ZPBP: variants seen among roughly 807,000 people sequenced by gnomAD.
ZPBP encodes zona pellucida binding protein.
A neutral mutation model predicts 44.8 loss-of-function variants in ZPBP; 26 were observed. The ratio of observed to expected loss-of-function variants is 0.58; its 90% CI spans 0.43 to 0.81. The LOEUF (loss-of-function observed/expected upper bound fraction) is 0.81, where lower values mean the gene tolerates loss of function less well. ZPBP is among the 30% of genes least tolerant of loss of function. The pLI is 0.00. For synonymous variants in ZPBP, 174 were observed against 153.2 expected, an observed-to-expected ratio of 1.14 and a Z score of -1.00; for missense variants, 409 against 434.0, an observed-to-expected ratio of 0.94 and a Z score of 0.51.
intron 7 of ZPBP, among the ~76,000 whole-genome samples, chr7:49,945,799 T>C (rs1016391543): frequency 1.3e-5 from 2 of 152,126 alleles, no homozygotes; most frequent in Admixed American, 6.6e-5. Flanking sequence ...TCAGCTCTCT[T>C]TGTCTCTTTA....
intron 7 of ZPBP, among the ~76,000 whole-genome samples, chr7:49,940,536 A>C (rs1422583760): frequency 1.3e-5 from 2 of 151,990 alleles, no homozygotes; most frequent in Non-Finnish European, 2.9e-5. Flanking sequence ...TGAACTAGGA[A>C]GCTCCAGGCC....
chr7:49,897,500 T>A (rs1792448579), intron 2 of ZPBP, among the ~76,000 whole-genome samples: 1 of 152,336 alleles, frequency 6.6e-6, no homozygotes, highest in Admixed American at 6.5e-5. Context: ...CAAACACTGA[T>A]CAATAGAGTT....
chr7:49,859,790 GCACACACACA>G (rs57768700), intron 2 of ZPBP, among the ~76,000 whole-genome samples: 4 of 12,024 alleles, frequency 3.3e-4, no homozygotes, highest in Non-Finnish European at 5.1e-4. Context: ...GCGCGTGCGT[GCACACACACA>G]CACACACACA....
intron 6 of ZPBP, among the ~76,000 whole-genome samples, chr7:49,984,851 C>A (rs952050147): frequency 6.6e-6 from 1 of 152,144 alleles, no homozygotes; most frequent in African/African-American, 2.4e-5. Context: ...GCAAATACAG[C>A]AGGTCCTCAA....
chr7:49,860,786 A>T (rs1335456326), intron 2 of ZPBP, among the ~76,000 whole-genome samples: 2 of 152,220 alleles, frequency 1.3e-5, no homozygotes, highest in African/African-American at 4.8e-5. Context: ...CCTTAATCTA[A>T]TAGGGTTGGT....
chr7:49,954,433 C>T (rs1043382926), intron 7 of ZPBP, among the ~76,000 whole-genome samples: 5 of 151,986 alleles, frequency 3.3e-5, no homozygotes, highest in African/African-American at 4.8e-5. Context: ...CAAAAGAAAG[C>T]GCACGTAACT....
At chr7:49,982,178 TAATTTA>T (rs1562821140) in intron 7 of ZPBP, among the ~76,000 whole-genome samples, 31 of 91,668 alleles carry the variant, frequency 3.4e-4, no homozygotes, top group African/African-American at 1.4e-3. Context: ...TATATATATA[TAATTTA>T]TTATTATATA....
intron 7 of ZPBP, among the ~76,000 whole-genome samples, chr7:49,967,391 A>G (rs1376259119): frequency 6.6e-6 from 1 of 152,166 alleles, no homozygotes; most frequent in African/African-American, 2.4e-5. Flanking sequence ...ATGGAGAAGA[A>G]CTTTGCACCA....
At chr7:49,911,617 C>T (rs887376469) in intron 1 of ZPBP, among the ~76,000 whole-genome samples, 1 of 151,990 alleles carries the variant, frequency 6.6e-6, no homozygotes. Flanking sequence ...GTACCATTGG[C>T]CGGGTGCAGT....
In ZPBP at chr7:49,879,439, A is replaced by G. The variant is rs564368379; in HGVS notation, n.509+21679T>C. On this transcript the variant is annotated intron_variant and non_coding_transcript_variant, in intron 2 of 2. Transcript: ENST00000465922. ...TTATCCGGAGAGGGTTTATATGTGC[A>G]GGTACCAGACAGCATGCCATGTAAT... Among the ~76,000 whole-genome samples, 82 of 152,320 alleles carry G rather than the reference A, an allele frequency of 5.4e-4. 1 individual carries two copies. The South Asian group carries it at 0.017, about 31-fold the overall frequency.
intron 5 of ZPBP, among the ~76,000 whole-genome samples, 154 bp downstream of exon 5, chr7:50,030,938 G>A (rs561178615): frequency 1.3e-5 from 2 of 152,082 alleles, no homozygotes; most frequent in Admixed American, 6.6e-5. Flanking sequence ...CTATTTGAGG[G>A]GTTAACAGCA....
chr7:50,026,685 T>G (rs1646173185), intron 5 of ZPBP, among the ~76,000 whole-genome samples: 1 of 151,872 alleles, frequency 6.6e-6, no homozygotes, highest in African/African-American at 2.4e-5. Flanking sequence ...TCAGCTGGCA[T>G]GTCAATTCCC....
intron 6 of ZPBP, among the ~76,000 whole-genome samples, chr7:50,017,272 C>A (rs1392250026): frequency 6.6e-6 from 1 of 152,088 alleles, no homozygotes; most frequent in East Asian, 1.9e-4. Flanking sequence ...CAATCTAGAT[C>A]CCTCACATGC....
chr7:50,076,459 G>A (rs1802086015), intron 3 of ZPBP, among the ~76,000 whole-genome samples: 1 of 151,888 alleles, frequency 6.6e-6, no homozygotes, highest in South Asian at 2.1e-4. Flanking sequence ...AAATTGGAAA[G>A]AAAGAAGTTA....
intron 1 of ZPBP, among the ~76,000 whole-genome samples, chr7:50,090,607 A>G (rs1229679323): frequency 4.4e-4 from 2 of 4,498 alleles, no homozygotes; most frequent in East Asian, 0.013. Context: ...ATATATGCGT[A>G]TATATGTGTA....
intron 7 of ZPBP, chr7:49,943,942 G>T: frequency 6.2e-6 from 2 of 321,676 alleles, no homozygotes; most frequent in Non-Finnish European, 6.1e-6. Context: ...GGACATTTCA[G>T]CATTTTCTAG....
intron 6 of ZPBP, among the ~76,000 whole-genome samples, chr7:49,995,758 A>G (rs994402661): frequency 1.3e-5 from 2 of 152,216 alleles, no homozygotes; most frequent in African/African-American, 4.8e-5. Flanking sequence ...TGTTACGTGA[A>G]ACAAGCCAGT....
intron 2 of ZPBP, among the ~76,000 whole-genome samples, chr7:50,082,817 T>G (rs1157704005): frequency 6.6e-6 from 1 of 151,912 alleles, no homozygotes; most frequent in African/African-American, 2.4e-5. Flanking sequence ...TGTTCTATAT[T>G]GATTGAGGTG....
At chr7:50,027,244 T>A (rs1271632537) in intron 5 of ZPBP, among the ~76,000 whole-genome samples, 1 of 152,028 alleles carries the variant, frequency 6.6e-6, no homozygotes, top group Non-Finnish European at 1.5e-5. Context: ...TTCTACTATT[T>A]AGCCATCCTG....
Sources: allele counts gnomAD v4.1 joint callset (sites outside exome capture counted in the v4.1 genomes callset), GRCh38; gene constraint gnomAD v4.1.1; transcripts MANE v1.5; gene names NCBI Gene and HGNC (gene_info 2026-07-23, HGNC 2026-07-21).